SMIM41: variants seen among roughly 807,000 people sequenced by gnomAD.
The protein encoded by SMIM41 is small integral membrane protein 41.
intron 1 of SMIM41, 78 bp downstream of exon 1, chr12:52,080,259 G>C (rs1939798012): frequency 4.8e-6 from 1 of 208,618 alleles, no homozygotes; most frequent in Admixed American, 6.0e-5. Flanking sequence ...GAGGCTTCTT[G>C]GGGCGCGGCA....
At chr12:52,100,084 TC>T (rs34419454) in intron 2 of SMIM41, among the ~76,000 whole-genome samples, 50,959 of 150,878 alleles carry the variant, frequency 0.34, 9,189 homozygotes, top group East Asian at 0.59. Flanking sequence ...TATGATCCTC[TC>T]CCCCCCCGGA....
At position 52,094,499 on chromosome 12, in the gene SMIM41, G is replaced by A. The variant is rs926086393; in HGVS notation, c.*195+10531G>A. Among the ~76,000 whole-genome samples, 10 of 152,088 alleles carry A rather than the reference G, an allele frequency of 6.6e-5. No individual in the cohort carries two copies. In the East Asian group the frequency reaches 7.7e-4, roughly 12 times the overall value. ...ATTACAGGCCTGAGCCACTGTGCCC[G>A]GCCAACACAAAGCTTTGTTCTTGTT... On this transcript the variant is annotated intron_variant, in intron 2 of 2. Transcript: ENST00000546390.
chr12:52,088,198 G>A (rs1592323090), intron 2 of SMIM41, among the ~76,000 whole-genome samples: 1 of 152,330 alleles, frequency 6.6e-6, no homozygotes. Context: ...TGCATGAGGT[G>A]CCTGCAGAGA....
At chr12:52,095,912 T>TCACACAAA (rs1219197022) in intron 2 of SMIM41, among the ~76,000 whole-genome samples, 77 of 152,084 alleles carry the variant, frequency 5.1e-4, no homozygotes, top group African/African-American at 1.8e-3. Context: ...CACACGGGTT[T>TCACACAAA]GTACACTTTC....
chr12:52,083,351 G>T (rs1939845751), intron 1 of SMIM41, among the ~76,000 whole-genome samples: 1 of 152,174 alleles, frequency 6.6e-6, no homozygotes, highest in Non-Finnish European at 1.5e-5. Context: ...TATTAAATAT[G>T]CTGGTGATGC....
chr12:52,085,039 T>G (rs772197442), intron 2 of SMIM41, among the ~76,000 whole-genome samples: 1 of 152,134 alleles, frequency 6.6e-6, no homozygotes, highest in African/African-American at 2.4e-5. Context: ...ATACTGTGTG[T>G]GCGGTGGTGC....
intron 1 of SMIM41, among the ~76,000 whole-genome samples, chr12:52,083,244 G>T (rs1939842991): frequency 6.6e-6 from 1 of 151,852 alleles, no homozygotes; most frequent in Non-Finnish European, 1.5e-5. Context: ...GCAACGGTCT[G>T]ACAGTGACCG....
intron 2 of SMIM41, among the ~76,000 whole-genome samples, chr12:52,095,261 C>T (rs1213868718): frequency 2.6e-5 from 4 of 151,804 alleles, no homozygotes; most frequent in Non-Finnish European, 4.4e-5. Context: ...CCCCGCGATG[C>T]GGGGAGTAAC....
chr12:52,094,488 C>A (rs1353239601), intron 2 of SMIM41, among the ~76,000 whole-genome samples: 1 of 152,158 alleles, frequency 6.6e-6, no homozygotes, highest in Admixed American at 6.5e-5. Context: ...CAGGCCTGAG[C>A]CACTGTGCCC....
chr12:52,107,188 A>C, intron 2 of SMIM41, 191 bp from the exon 3 acceptor site: 1 of 359,174 alleles, frequency 2.8e-6, no homozygotes. Flanking sequence ...GAACTGCAAA[A>C]TATTCCTGAG....
intron 1 of SMIM41, among the ~76,000 whole-genome samples, chr12:52,082,790 G>C (rs571790852): frequency 9.8e-5 from 15 of 152,288 alleles, no homozygotes; most frequent in African/African-American, 3.4e-4. Context: ...GGTTTATGGA[G>C]TCCATTCCTC....
rs1241601267 is a variant in SMIM41 at position 52,081,219 on chromosome 12, G to A, written c.*120+1038G>A. ...CCTAGGAGCCCTGGGGGTTTCTGTG[G>A]GTGGGAGTGTTTGTCAGGGGTGACT... On this transcript the variant is annotated intron_variant, in intron 1 of 2. Coordinates refer to ENST00000546390, the MANE Select transcript of SMIM41 (RefSeq NM_001369216.1). This position sits in a 1 kb window ranked among gnomAD's most constrained non-coding sequence, Gnocchi z 4.1. 6.6e-6 allele frequency among the ~76,000 whole-genome samples: 1 copy of A among 152,120 alleles called. No individual in the cohort carries two copies. Among genetic ancestry groups the A allele is most frequent in the African/African-American group, 2.4e-5 (1 of 41,408 alleles).
At chr12:52,095,771 A>G (rs1183928373) in intron 2 of SMIM41, among the ~76,000 whole-genome samples, 1 of 152,072 alleles carries the variant, frequency 6.6e-6, no homozygotes, top group African/African-American at 2.4e-5. Flanking sequence ...GGGGGGCTGT[A>G]CACACCCTGC....
At chr12:52,087,182 C>T (rs1157750772) in intron 2 of SMIM41, among the ~76,000 whole-genome samples, 1 of 152,232 alleles carries the variant, frequency 6.6e-6, no homozygotes, top group Non-Finnish European at 1.5e-5. Flanking sequence ...GAGGGCCGGG[C>T]CTCCGCCTCT....
At chr12:52,101,859 T>C (rs1940223455) in intron 2 of SMIM41, among the ~76,000 whole-genome samples, 1 of 152,084 alleles carries the variant, frequency 6.6e-6, no homozygotes, top group Non-Finnish European at 1.5e-5. Context: ...ATTACAGGCA[T>C]GCGCCAGCAC....
chr12:52,090,507 G>C (rs1306099756), intron 2 of SMIM41, among the ~76,000 whole-genome samples: 3 of 152,214 alleles, frequency 2.0e-5, no homozygotes, highest in Non-Finnish European at 4.4e-5. Context: ...GAGCGCACCT[G>C]CTGTGGTCGG....
At chr12:52,097,428 C>A (rs1455497197) in intron 2 of SMIM41, among the ~76,000 whole-genome samples, 2 of 151,950 alleles carry the variant, frequency 1.3e-5, no homozygotes, top group African/African-American at 4.8e-5. Flanking sequence ...TACCCCCCTT[C>A]CCCATGGATA....
At chr12:52,090,142 C>T (rs1252714500) in intron 2 of SMIM41, among the ~76,000 whole-genome samples, 1 of 152,126 alleles carries the variant, frequency 6.6e-6, no homozygotes, top group African/African-American at 2.4e-5. Flanking sequence ...GTGATCTTGG[C>T]TCACTACAAC....
intron 2 of SMIM41, among the ~76,000 whole-genome samples, chr12:52,090,980 T>G (rs745532814): frequency 6.6e-5 from 10 of 152,216 alleles, no homozygotes; most frequent in Non-Finnish European, 1.3e-4. Context: ...GTGATAAAGC[T>G]TAGCCAACTC....
Sources: allele counts gnomAD v4.1 joint callset (sites outside exome capture counted in the v4.1 genomes callset), GRCh38; gene constraint gnomAD v4.1.1; non-coding constraint Gnocchi (gnomAD v3.1); transcripts MANE v1.5; gene names NCBI Gene and HGNC (gene_info 2026-07-23, HGNC 2026-07-21).